Variants in UNC13C observed in about 807,000 individuals in gnomAD.
UNC13C encodes protein unc-13 homolog C.
In UNC13C, 174 loss-of-function variants were observed where a neutral mutation model predicts 245.4. That is an observed-to-expected ratio of 0.71 (90% CI 0.63 to 0.80). The LOEUF is 0.80. Among genes scored for constraint, UNC13C ranks in the 30% least tolerant of loss-of-function variants. The pLI is 0.00. For synonymous variants in UNC13C, 992 were observed against 895.1 expected, an observed-to-expected ratio of 1.11 and a Z score of -1.93; for missense variants, 2,829 against 2,602.9, an observed-to-expected ratio of 1.09 and a Z score of -1.89.
At chr15:54,062,428 A>G (rs1299335406) in intron 2 of UNC13C, among the ~76,000 whole-genome samples, 1 of 152,070 alleles carries the variant, frequency 6.6e-6, no homozygotes, top group Non-Finnish European at 1.5e-5. Context: ...CTAAACTGAC[A>G]TGATTCTTCT....
chr15:54,432,265 A>T (rs2140976604), intron 19 of UNC13C, among the ~76,000 whole-genome samples: 1 of 151,662 alleles, frequency 6.6e-6, no homozygotes, highest in East Asian at 1.9e-4. Flanking sequence ...CGACTGTGAT[A>T]CCTGTTAGAA....
intron 2 of UNC13C, among the ~76,000 whole-genome samples, chr15:54,108,031 T>C (rs1380517731): frequency 6.6e-6 from 1 of 152,130 alleles, no homozygotes; most frequent in African/African-American, 2.4e-5. Context: ...AAACATACTT[T>C]AGAGAGAAAA....
At chr15:54,048,731 T>A (rs1897147237) in intron 2 of UNC13C, 1 of 283,034 alleles carries the variant, frequency 3.5e-6, no homozygotes, top group Admixed American at 4.5e-5. Flanking sequence ...TGCCTCCATA[T>A]TCAGGGAGAA....
intron 11 of UNC13C, among the ~76,000 whole-genome samples, chr15:54,295,852 G>GT (rs1281206648): frequency 1.3e-5 from 2 of 152,102 alleles, no homozygotes; most frequent in Non-Finnish European, 2.9e-5. Context: ...ACCCTCAGTA[G>GT]TTTTTTGCCC....
chr15:53,855,648 C>A, the UNC13C span, among the ~76,000 whole-genome samples: 2 of 151,798 alleles, frequency 1.3e-5, no homozygotes, highest in Non-Finnish European at 2.9e-5. Flanking sequence ...AATGAATGAT[C>A]GTGGTGCATA....
intron 2 of UNC13C, among the ~76,000 whole-genome samples, chr15:54,059,337 C>A (rs1267284918): frequency 1.3e-5 from 2 of 152,042 alleles, no homozygotes; most frequent in Non-Finnish European, 2.9e-5. Context: ...AACAGAGAGC[C>A]AAATCATGAG....
intron 1 of UNC13C, among the ~76,000 whole-genome samples, chr15:53,993,339 T>C (rs1262895930): frequency 3.3e-5 from 5 of 152,008 alleles, no homozygotes; most frequent in East Asian, 3.9e-4. Flanking sequence ...CCATTAGTCA[T>C]TGGATGTATA....
chr15:54,452,634 A>T (rs12440914), intron 19 of UNC13C, among the ~76,000 whole-genome samples: 58,698 of 152,012 alleles, frequency 0.39, 11,623 homozygotes, highest in East Asian at 0.62. Context: ...AGATTTCCCC[A>T]TGGTGCATAG....
intron 2 of UNC13C, among the ~76,000 whole-genome samples, chr15:54,035,199 C>T (rs139013968): frequency 3.3e-5 from 5 of 152,102 alleles, no homozygotes; most frequent in African/African-American, 1.2e-4. Flanking sequence ...ATAATGTACC[C>T]AGAAAATGTA....
At chr15:53,887,903 A>G in the UNC13C span, among the ~76,000 whole-genome samples, 1 of 152,168 alleles carries the variant, frequency 6.6e-6, no homozygotes, top group Non-Finnish European at 1.5e-5. Context: ...TTATGGCTTC[A>G]TAGTATTCCA....
intron 23 of UNC13C, 112 bp from the exon 24 acceptor site, chr15:54,511,640 TC>T (rs1287013387): frequency 1.4e-6 from 1 of 698,086 alleles, no homozygotes; most frequent in African/African-American, 1.8e-5. Context: ...AGTATATACA[TC>T]TAATATAATA....
chr15:54,308,910 A>G (rs2037793551), intron 13 of UNC13C, among the ~76,000 whole-genome samples: 1 of 151,816 alleles, frequency 6.6e-6, no homozygotes, highest in Non-Finnish European at 1.5e-5. Flanking sequence ...TTATCTGTCA[A>G]TGGACAGTTA....
rs144085324 is a variant in UNC13C at position 54,323,253 on chromosome 15, C to A, written c.4425+1158C>A. On this transcript the variant is annotated intron_variant, in intron 14 of 32. Coordinates refer to ENST00000260323, the MANE Select transcript of UNC13C (RefSeq NM_001080534.3). ...CTCCTGTGTTTACTCTTTTTCTGTC[C>A]TTTTCCTCTGAAAGAGAAATGCATG... Among the ~76,000 whole-genome samples, 12 of 152,002 alleles carry A rather than the reference C, an allele frequency of 7.9e-5. No individual in the cohort carries two copies. In the East Asian group the frequency reaches 2.3e-3, roughly 30 times the overall value.
At chr15:54,069,231 T>C (rs1898208541) in intron 2 of UNC13C, among the ~76,000 whole-genome samples, 1 of 152,164 alleles carries the variant, frequency 6.6e-6, no homozygotes, top group Admixed American at 6.5e-5. Context: ...AGCTCCAAGA[T>C]GACCTTTGGG....
rs2036165921 is a variant in UNC13C, at chr15:54,252,083, C to T, written c.3448+1639C>T. On this transcript the variant is annotated intron_variant, in intron 8 of 32. Transcript: ENST00000260323. The stretch of plus-strand genomic sequence containing the variant: ...CTCATAATCTGATTAAAATTCAGCC[C>T]AACTGTTTAAAAAGTGAATTGCGTA... 2.6e-5 allele frequency among the ~76,000 whole-genome samples: 4 copies of T among 151,976 alleles called. No homozygotes were observed. The South Asian group carries it at 8.3e-4, about 32-fold the overall frequency.
intron 4 of UNC13C, among the ~76,000 whole-genome samples, chr15:54,220,925 C>T (rs1375187161): frequency 6.6e-6 from 1 of 151,928 alleles, no homozygotes; most frequent in Non-Finnish European, 1.5e-5. Flanking sequence ...ATGAAAAAGA[C>T]AATAATGGTG....
At chr15:54,246,852 G>A (rs1334283488) in intron 7 of UNC13C, among the ~76,000 whole-genome samples, 1 of 152,056 alleles carries the variant, frequency 6.6e-6, no homozygotes, top group Non-Finnish European at 1.5e-5. Flanking sequence ...AACCACCATG[G>A]CACATGTTTA....
Position 53,980,529 on chromosome 15 carries a change from A to G in UNC13C, c.-257+1602A>G, listed in dbSNP as rs566317598. On this transcript the variant is annotated intron_variant, in intron 1 of 32. Transcript: ENST00000260323. ...AAACTGATCAAGGATCATCTAAAAG[A>G]ATATTTGAAACTCTAATTTACAAAA... Among the ~76,000 whole-genome samples, 5 of 152,364 alleles carry G rather than the reference A, an allele frequency of 3.3e-5. No homozygotes were observed. The South Asian group carries it at 1.0e-3, about 32-fold the overall frequency.
At position 54,519,251 on chromosome 15, in the gene UNC13C, A is replaced by G. The variant is rs559264861; in HGVS notation, c.5458-6298A>G. 3.3e-5 allele frequency among the ~76,000 whole-genome samples: 5 copies of G among 152,358 alleles called. No individual in the cohort carries two copies. In the East Asian group the frequency reaches 7.7e-4, roughly 23 times the overall value. The stretch of plus-strand genomic sequence containing the variant: ...TTGCAGGTGAGAAGGGAAAAAATGT[A>G]TAAGAGAAAAGAATGTCACATCACT... On this transcript the variant is annotated intron_variant, in intron 24 of 32. Transcript: ENST00000260323.
Sources: gnomAD v4.1 joint callset for allele counts (sites outside exome capture counted in the v4.1 genomes callset) on GRCh38, gnomAD v4.1.1 for gene constraint, MANE v1.5 for transcripts, NCBI Gene and HGNC (gene_info 2026-07-23, HGNC 2026-07-21) for gene names.